The following ANKRD44 variants were observed in gnomAD, a reference collection of about 807,000 sequenced individuals.
ANKRD44 encodes serine/threonine-protein phosphatase 6 regulatory ankyrin repeat subunit B.
In ANKRD44, 35 loss-of-function variants were observed where a neutral mutation model predicts 116.0. The ratio of observed to expected loss-of-function variants is 0.30; its 90% CI spans 0.23 to 0.40. The LOEUF (loss-of-function observed/expected upper bound fraction) is 0.40. ANKRD44 is among the 10% of genes least tolerant of loss of function. The probability of loss-of-function intolerance (pLI) is 1.00; values close to 1 mark genes in which losing one functional copy is unlikely to be tolerated. For missense variants in ANKRD44, 1,014 were observed against 1,242.6 expected, an observed-to-expected ratio of 0.82 and a Z score of 2.77; for synonymous variants, 435 against 461.8, an observed-to-expected ratio of 0.94 and a Z score of 0.74.
At chr2:197,310,052 C>CT (rs1357436536) in intron 1 of ANKRD44, among the ~76,000 whole-genome samples, 1 of 152,218 alleles carries the variant, frequency 6.6e-6, no homozygotes, top group Non-Finnish European at 1.5e-5. Flanking sequence ...CGCACACAGC[C>CT]TGGCGCAACT....
Position 197,110,851 on chromosome 2 carries a change from A to C in ANKRD44, c.907-7T>G. ...GACTTTTGCCATCTTTACTCTAAAA[A>C]AAAGAGAGGGAGAGAAAAACAATGG... On this transcript the variant is annotated splice_polypyrimidine_tract_variant and splice_region_variant and intron_variant, in intron 8 of 27. Transcript: ENST00000282272. The C allele has an allele frequency of 6.2e-7, 1 of 1,612,892 alleles. No homozygotes were observed. The highest frequency in any genetic ancestry group is 8.5e-7 in the Non-Finnish European group (1 of 1,178,858).
intron 1 of ANKRD44, among the ~76,000 whole-genome samples, chr2:197,187,567 C>T (rs574584801): frequency 1.7e-4 from 26 of 151,984 alleles, no homozygotes; most frequent in African/African-American, 5.1e-4. Flanking sequence ...TAAAAGAGGT[C>T]GTAAGGGTGT....
chr2:197,125,370 G>A lies in ANKRD44; in HGVS notation c.550+11C>T. 1.2e-6 allele frequency: 2 copies of A among 1,612,844 alleles called. No individual in the cohort carries two copies. The highest frequency in any genetic ancestry group is 2.7e-5 in the African/African-American group (2 of 75,016). The stretch of plus-strand genomic sequence containing the variant: ...TATCTGTACTTTGCTTTCCATGCAT[G>A]GAATCCTTACCCATGTATGCTGCCC... On this transcript the variant is annotated intron_variant, in intron 6 of 27. Transcript: ENST00000282272.
At chr2:196,998,290 T>C (rs2076050469) in intron 25 of ANKRD44, 47 bp downstream of exon 25, 1 of 1,351,980 alleles carries the variant, frequency 7.4e-7, no homozygotes, top group African/African-American at 1.5e-5. Context: ...ATTATTACTG[T>C]TATTATTATA....
chr2:197,005,582 A>G, intron 21 of ANKRD44, 112 bp downstream of exon 21: 16 of 980,584 alleles, frequency 1.6e-5, no homozygotes, highest in Non-Finnish European at 2.4e-5. Flanking sequence ...TGGATGCAGA[A>G]AGATTAGAAA....
chr2:197,083,567 G>A, intron 13 of ANKRD44, 58 bp from the exon 14 acceptor site: 2 of 1,567,042 alleles, frequency 1.3e-6, no homozygotes, highest in Non-Finnish European at 1.7e-6. Flanking sequence ...GCCTGTTGTT[G>A]GCACTAGCAC....
intron 2 of ANKRD44, among the ~76,000 whole-genome samples, chr2:197,152,177 C>T (rs996236572): frequency 6.6e-6 from 1 of 152,122 alleles, no homozygotes; most frequent in Non-Finnish European, 1.5e-5. Context: ...CTATAGTGGC[C>T]GAGCTAAGTG....
intron 1 of ANKRD44, among the ~76,000 whole-genome samples, chr2:197,253,583 A>G (rs527377562): frequency 7.2e-4 from 110 of 152,328 alleles, no homozygotes; most frequent in Non-Finnish European, 1.3e-3. Flanking sequence ...GAATATACAT[A>G]TAAAAAGAAA....
At chr2:197,248,593 AAG>A (rs1559184132) in intron 1 of ANKRD44, among the ~76,000 whole-genome samples, 1 of 105,742 alleles carries the variant, frequency 9.5e-6, no homozygotes, top group African/African-American at 3.4e-5. Context: ...TATATATATA[AAG>A]AGAGAGATTG....
At chr2:197,106,663 G>A (rs1003879401) in intron 9 of ANKRD44, among the ~76,000 whole-genome samples, 2 of 150,724 alleles carry the variant, frequency 1.3e-5, no homozygotes, top group Non-Finnish European at 3.0e-5. Flanking sequence ...GGTGGCAGGC[G>A]CATGTAGTCC....
At chr2:197,234,250 C>T (rs1185900703) in intron 1 of ANKRD44, among the ~76,000 whole-genome samples, 2 of 150,822 alleles carry the variant, frequency 1.3e-5, no homozygotes, top group African/African-American at 4.9e-5. Context: ...TGGGCAGTGG[C>T]GTGATCTCAG....
At position 197,050,969 on chromosome 2, in the gene ANKRD44, C is replaced by CTTT. The variant is rs11428405; in HGVS notation, c.1651-25705_1651-25703dup. 2.5e-3 allele frequency among the ~76,000 whole-genome samples: 336 copies of CTTT among 134,878 alleles called. 5 individuals are homozygous for CTTT. The highest frequency in any genetic ancestry group is 4.3e-3 in the Non-Finnish European group (278 of 64,148). The allele number at this position is 134,878 out of a possible 152,430, so 88.5% of individuals were successfully genotyped here. A position where few individuals can be genotyped will look rare whatever the true frequency, so the allele number is the denominator to read the frequency against. On this transcript the variant is annotated intron_variant, in intron 16 of 27. Coordinates refer to ENST00000282272, the MANE Select transcript of ANKRD44 (RefSeq NM_001195144.2). ...TGAAATTATTCAAATGTCTCCCTTACTTTTTTTTTTTTTTTTTGAGACAGG... is the reference window on the plus strand; with the variant it reads ...TGAAATTATTCAAATGTCTCCCTTACTTTTTTTTTTTTTTTTTTTTGAGACAGG...
chr2:197,167,795 G>A (rs1440967560), intron 2 of ANKRD44, among the ~76,000 whole-genome samples: 7 of 152,314 alleles, frequency 4.6e-5, no homozygotes, highest in Admixed American at 1.3e-4. Context: ...CAGCCAAAGT[G>A]ATGATCTTTG....
At chr2:197,080,281 G>A (rs1432483868) in intron 15 of ANKRD44, among the ~76,000 whole-genome samples, 1 of 152,240 alleles carries the variant, frequency 6.6e-6, no homozygotes, top group Non-Finnish European at 1.5e-5. Flanking sequence ...CACATTGCTT[G>A]TAAGGAAAAC....
chr2:197,192,700 C>G (rs1399280991), intron 1 of ANKRD44, among the ~76,000 whole-genome samples: 1 of 152,208 alleles, frequency 6.6e-6, no homozygotes, highest in Admixed American at 6.5e-5. Flanking sequence ...AACCTGCTAA[C>G]TGAATTCATG....
At chr2:196,998,488 T>C (rs927120008) in intron 24 of ANKRD44, 69 bp from the exon 25 acceptor site, 1 of 1,129,404 alleles carries the variant, frequency 8.9e-7, no homozygotes, top group South Asian at 1.3e-5. Flanking sequence ...AAGAAGTTAC[T>C]ACAAACACAA....
At chr2:197,005,339 T>C (rs1264719392) in intron 21 of ANKRD44, among the ~76,000 whole-genome samples, 1 of 152,210 alleles carries the variant, frequency 6.6e-6, no homozygotes, top group Non-Finnish European at 1.5e-5. Context: ...ATTATATACA[T>C]ATATTTGGTA....
chr2:197,260,417 AT>A (rs1237155076), intron 1 of ANKRD44, among the ~76,000 whole-genome samples: 1 of 152,070 alleles, frequency 6.6e-6, no homozygotes, highest in Non-Finnish European at 1.5e-5. Context: ...ATGAATCATC[AT>A]TTTTTATGGC....
At chr2:197,049,754 T>C (rs2077070955) in intron 16 of ANKRD44, among the ~76,000 whole-genome samples, 1 of 152,144 alleles carries the variant, frequency 6.6e-6, no homozygotes, top group South Asian at 2.1e-4. Flanking sequence ...GAATCTAGGA[T>C]TTACAGGCAT....
Sources: gnomAD v4.1 joint callset for allele counts (sites outside exome capture counted in the v4.1 genomes callset) on GRCh38, gnomAD v4.1.1 for gene constraint, MANE v1.5 for transcripts, NCBI Gene and HGNC (gene_info 2026-07-23, HGNC 2026-07-21) for gene names.